The following CPNE8 variants were observed in gnomAD, a reference collection of about 807,000 sequenced individuals.
The protein encoded by CPNE8 is copine-8.
CPNE8 carries 45 observed loss-of-function variants against 81.5 expected under a neutral mutation model. The observed-to-expected ratio is 0.55, with a 90% confidence interval of 0.44 to 0.71. CPNE8 has a LOEUF of 0.71. Ranked by LOEUF, CPNE8 falls within the 30% of genes least tolerant of loss-of-function variation. The probability of loss-of-function intolerance (pLI) is 0.00; values close to 1 mark genes in which losing one functional copy is unlikely to be tolerated. For missense variants in CPNE8, 594 were observed against 672.1 expected, an observed-to-expected ratio of 0.88 and a Z score of 1.28; for synonymous variants, 252 against 226.3, an observed-to-expected ratio of 1.11 and a Z score of -1.02.
At chr12:38,742,065 T>C (rs369267019) in intron 10 of CPNE8, among the ~76,000 whole-genome samples, 3 of 152,124 alleles carry the variant, frequency 2.0e-5, no homozygotes, top group Non-Finnish European at 1.5e-5. Flanking sequence ...AACACTTTTA[T>C]ACTGTTGGTG....
intron 5 of CPNE8, among the ~76,000 whole-genome samples, chr12:38,830,745 GA>G (rs890340831): frequency 1.3e-5 from 2 of 152,114 alleles, no homozygotes; most frequent in African/African-American, 2.4e-5. Flanking sequence ...TCAGATGAAA[GA>G]AAAAAGCCAA....
At chr12:38,875,504 CT>C (rs2137111190) in intron 1 of CPNE8, among the ~76,000 whole-genome samples, 1 of 152,138 alleles carries the variant, frequency 6.6e-6, no homozygotes, top group African/African-American at 2.4e-5. Flanking sequence ...TAATAAAAAT[CT>C]CGTGTTCAAG....
At chr12:38,863,564 A>C (rs551444198) in intron 3 of CPNE8, among the ~76,000 whole-genome samples, 1 of 152,272 alleles carries the variant, frequency 6.6e-6, no homozygotes, top group South Asian at 2.1e-4. Flanking sequence ...AAATTCTAAC[A>C]AATAGTAGCA....
At chr12:38,752,076 CTG>C (rs1220551778) in intron 10 of CPNE8, among the ~76,000 whole-genome samples, 3 of 152,182 alleles carry the variant, frequency 2.0e-5, no homozygotes, top group Non-Finnish European at 4.4e-5. Context: ...TCATAAACAT[CTG>C]TGTTTATTCC....
intron 14 of CPNE8, among the ~76,000 whole-genome samples, chr12:38,698,218 T>C (rs934416507): frequency 1.3e-5 from 2 of 152,220 alleles, no homozygotes; most frequent in Non-Finnish European, 1.5e-5. Flanking sequence ...TTTGGAGAAA[T>C]ATCTATTTAG....
chr12:38,798,350 C>T (rs1942557819), intron 6 of CPNE8, among the ~76,000 whole-genome samples: 1 of 152,144 alleles, frequency 6.6e-6, no homozygotes, highest in Non-Finnish European at 1.5e-5. Context: ...CAGCTGATCT[C>T]TCCGCAGAAA....
rs554488839 is a variant in CPNE8 at position 38,723,912 on chromosome 12, C to T, written c.853-79G>A. 17 of 820,014 alleles carry T rather than the reference C, an allele frequency of 2.1e-5. No homozygotes were observed. In the East Asian group the frequency reaches 3.9e-4, roughly 19 times the overall value. 50.8% of individuals were successfully genotyped at this position (820,014 alleles called of 1,614,324 possible). On this transcript the variant is annotated intron_variant, in intron 12 of 19. Transcript: ENST00000331366. ...CCTTTCTAATTATTAGAGAGAAAAT[C>T]ATATTTCTTTGCATTTTGAAACTCA...
intron 19 of CPNE8, among the ~76,000 whole-genome samples, chr12:38,663,427 G>A (rs1321916645): frequency 6.6e-6 from 1 of 152,082 alleles, no homozygotes; most frequent in East Asian, 1.9e-4. Context: ...CTATTTATCA[G>A]AGAAATGCAA....
At chr12:38,659,936 T>C (rs1938914391) in intron 19 of CPNE8, among the ~76,000 whole-genome samples, 1 of 152,150 alleles carries the variant, frequency 6.6e-6, no homozygotes, top group Non-Finnish European at 1.5e-5. Context: ...CAAGGAGAAC[T>C]ACAAACCACT....
intron 13 of CPNE8, chr12:38,721,308 T>A (rs1343950505): frequency 6.5e-6 from 1 of 153,010 alleles, no homozygotes; most frequent in Admixed American, 6.5e-5. Flanking sequence ...GCTGGGGAGA[T>A]GATGAGAGGG....
chr12:38,856,170 A>C (rs1004013365), intron 3 of CPNE8, among the ~76,000 whole-genome samples: 5 of 152,220 alleles, frequency 3.3e-5, no homozygotes, highest in African/African-American at 9.6e-5. Context: ...ACTTGAACAG[A>C]CCAATAATGA....
rs963927632 is a variant in CPNE8 at position 38,806,409 on chromosome 12, C to G, written c.407+22970G>C. 3.5e-4 allele frequency among the ~76,000 whole-genome samples: 53 copies of G among 149,484 alleles called. 3 individuals carry two copies. The highest frequency in any genetic ancestry group is 2.5e-3 in the East Asian group (11 of 4,422). On this transcript the variant is annotated intron_variant, in intron 6 of 19. Transcript: ENST00000331366. ...CATCAAAAAGCTTATCCACCATGAT[C>G]AAGTGGGCTTCATCCCTGGGATGCA...
At chr12:38,708,127 C>T (rs12231313) in intron 13 of CPNE8, among the ~76,000 whole-genome samples, 50,396 of 152,006 alleles carry the variant, frequency 0.33, 10,009 homozygotes, top group Non-Finnish European at 0.45. Context: ...TATTATAATA[C>T]ATACTTACTA....
chr12:38,663,373 GCA>G (rs1013883086), intron 19 of CPNE8, among the ~76,000 whole-genome samples: 7 of 151,848 alleles, frequency 4.6e-5, no homozygotes, highest in Non-Finnish European at 8.8e-5. Flanking sequence ...TCAAAAGAAG[GCA>G]CACAAATGGC....
At chr12:38,668,891 A>C (rs2136641914) in intron 19 of CPNE8, among the ~76,000 whole-genome samples, 1 of 152,172 alleles carries the variant, frequency 6.6e-6, no homozygotes, top group Middle Eastern at 3.4e-3. Flanking sequence ...CTACTAAAAA[A>C]ATACAAAAAA....
intron 6 of CPNE8, among the ~76,000 whole-genome samples, chr12:38,777,981 T>C (rs949120949): frequency 2.6e-5 from 4 of 152,148 alleles, no homozygotes; most frequent in Non-Finnish European, 2.9e-5. Flanking sequence ...ATGCTTCTTA[T>C]GAGAATCTAA....
At position 38,774,494 on chromosome 12, in the gene CPNE8, C is replaced by T. The variant is rs531949440; in HGVS notation, c.471+1744G>A. On this transcript the variant is annotated intron_variant, in intron 7 of 19. Coordinates refer to ENST00000331366, the MANE Select transcript of CPNE8 (RefSeq NM_153634.3). ...TAAAAAAATAGGATAGGTAATATCG[C>T]TGCATTTAAATAATTATGCTATATT... Among the ~76,000 whole-genome samples the T allele has an allele frequency of 7.9e-5, 12 of 152,104 alleles. No homozygotes were observed. In the South Asian group the frequency reaches 1.2e-3, roughly 16 times the overall value.
chr12:38,797,922 T>C (rs1451217550), intron 6 of CPNE8, among the ~76,000 whole-genome samples: 1 of 152,062 alleles, frequency 6.6e-6, no homozygotes, highest in Non-Finnish European at 1.5e-5. Context: ...CAGGAGCTGA[T>C]GTGATCAACT....
intron 7 of CPNE8, among the ~76,000 whole-genome samples, chr12:38,771,373 G>A (rs1485587728): frequency 6.6e-6 from 1 of 151,820 alleles, no homozygotes; most frequent in African/African-American, 2.4e-5. Context: ...ACTGAGGTGG[G>A]AGAATCACTT....
Sources: gnomAD v4.1 joint callset for allele counts (sites outside exome capture counted in the v4.1 genomes callset) on GRCh38, gnomAD v4.1.1 for gene constraint, MANE v1.5 for transcripts, NCBI Gene and HGNC (gene_info 2026-07-23, HGNC 2026-07-21) for gene names.